The following DNAH11 variants were observed in gnomAD, a reference collection of about 807,000 sequenced individuals.
DNAH11 encodes axonemal beta dynein heavy chain 11.
DNAH11 carries 442 observed loss-of-function variants against 526.0 expected under a neutral mutation model. The observed-to-expected ratio is 0.84, with a 90% CI of 0.78 to 0.91. DNAH11 has a LOEUF of 0.91. DNAH11 is among the 40% of genes least tolerant of loss of function. DNAH11 has a pLI of 0.00. For synonymous variants in DNAH11, 2,461 were observed against 1,935.9 expected (o/e 1.27, Z -7.12); for missense variants, 6,989 against 5,448.7 (o/e 1.28, Z -8.90).
intron 61 of DNAH11, among the ~76,000 whole-genome samples, chr7:21,794,015 C>G (rs1234594180): frequency 2.6e-5 from 4 of 152,166 alleles, no homozygotes; most frequent in East Asian, 1.9e-4. Context: ...ATTACTGATT[C>G]TTTCTTCTGC....
At chr7:21,705,625 A>C in intron 39 of DNAH11, 88 bp downstream of exon 39, 1 of 1,296,956 alleles carries the variant, frequency 7.7e-7, no homozygotes, top group Non-Finnish European at 1.1e-6. Flanking sequence ...TACTCAAAAG[A>C]ATTCCCCTCC....
chr7:21,753,560 A>T (rs1378340609), intron 54 of DNAH11, among the ~76,000 whole-genome samples: 1 of 152,182 alleles, frequency 6.6e-6, no homozygotes, highest in African/African-American at 2.4e-5. Flanking sequence ...TCCCAAAAAG[A>T]TGTCTTCTTG....
At chr7:21,789,797 C>CT (rs202096990) in intron 61 of DNAH11, among the ~76,000 whole-genome samples, 2 of 68,288 alleles carry the variant, frequency 2.9e-5, no homozygotes, top group South Asian at 5.2e-4. Flanking sequence ...TTCTTTCTTT[C>CT]TTTCTTTCTT....
Position 21,588,535 on chromosome 7 carries a change from T to G in DNAH11, c.1872T>G (p.Leu624=). ...AGATTGAATGTGGTCATGTAGTTCT[T>G]AACAAGAACATGCCATTTACCTCAG... ...MKQIECGHVV[L]NKNMPFTSGN... is the part of the protein sequence containing the mutation. Residue 624 remains leucine (L), a synonymous_variant, in exon 11 of 82, where the codon CTT becomes CTG. Transcript: ENST00000409508. 1.9e-6 allele frequency: 3 copies of G among 1,613,762 alleles called. No individual in the cohort carries two copies. The highest frequency in any genetic ancestry group is 2.5e-6 in the Non-Finnish European group (3 of 1,179,682).
At chr7:21,849,314 T>A (rs1052592904) in intron 66 of DNAH11, among the ~76,000 whole-genome samples, 1 of 152,242 alleles carries the variant, frequency 6.6e-6, no homozygotes, top group Non-Finnish European at 1.5e-5. Context: ...CCATAAGTTA[T>A]AATCACTGAC....
chr7:21,738,857 A>G lies in DNAH11; in HGVS notation c.7802A>G (p.Tyr2601Cys). 2 of 1,597,424 alleles carry G rather than the reference A, an allele frequency of 1.3e-6. No homozygotes were observed. The highest frequency in any genetic ancestry group is 1.2e-5 in the South Asian group (1 of 85,792). The change falls in exon 47 of 82, where the codon TAT (tyrosine) becomes TGT (cysteine). Residue 2601 changes from tyrosine (Y) to cysteine (C), a missense_variant. Tyr to Cys is a radical substitution (Grantham distance 194). Transcript: ENST00000409508. ...ACCCTGATCCGGCAGCATATTGATTATGGACATTGGTAAGCAAGTCTCTGT... is the reference window on the plus strand; with the variant it reads ...ACCCTGATCCGGCAGCATATTGATTGTGGACATTGGTAAGCAAGTCTCTGT... ...PHTLIRQHID[Y>C]GHWYDRQKVM...
chr7:21,649,331 T>C (rs4722042), intron 28 of DNAH11, among the ~76,000 whole-genome samples: 58,204 of 152,110 alleles, frequency 0.38, 12,798 homozygotes, highest in Non-Finnish European at 0.5. Flanking sequence ...AAAAGAAGTA[T>C]ACAAGAATTT....
At chr7:21,881,753 T>C (rs1783933623) in intron 75 of DNAH11, among the ~76,000 whole-genome samples, 1 of 152,232 alleles carries the variant, frequency 6.6e-6, no homozygotes, top group Non-Finnish European at 1.5e-5. Flanking sequence ...ATGATTGTTA[T>C]AACTTTTTTG....
intron 28 of DNAH11, among the ~76,000 whole-genome samples, chr7:21,655,062 G>A (rs202037089): frequency 1.2e-4 from 18 of 151,024 alleles, no homozygotes; most frequent in Non-Finnish European, 1.0e-4. Context: ...TGTTGTTGTT[G>A]GTTTTCCCCC....
chr7:21,574,792 C>T (rs964513672), intron 8 of DNAH11, among the ~76,000 whole-genome samples: 2 of 150,776 alleles, frequency 1.3e-5, no homozygotes, highest in Non-Finnish European at 2.9e-5. Flanking sequence ...TCTCAAACTC[C>T]CGACCTCAGA....
chr7:21,854,370 G>C lies in DNAH11; in HGVS notation c.11117G>C (p.Arg3706Thr), dbSNP rs1562585559. 6.2e-7 allele frequency: 1 copy of C among 1,613,816 alleles called. No individual in the cohort carries two copies. The change falls in exon 68 of 82, where the codon AGA becomes ACA. Residue 3706 changes from arginine to threonine, a missense_variant. Physicochemically the swap from Arg to Thr is moderately conservative, Grantham distance 71. Transcript: ENST00000409508. ...ATCAACGAGGCCCGAGAATGTTACAGACCAGTGGCAGCAAGAGCATCTCTT... is the reference window on the plus strand; with the variant it reads ...ATCAACGAGGCCCGAGAATGTTACACACCAGTGGCAGCAAGAGCATCTCTT... ...RKINEARECY[R>T]PVAARASLLY...
chr7:21,776,059 A>G (rs1212364032), intron 56 of DNAH11, among the ~76,000 whole-genome samples: 1 of 152,110 alleles, frequency 6.6e-6, no homozygotes, highest in Admixed American at 6.6e-5. Flanking sequence ...GAGGAGAGAG[A>G]CTGTGATTTC....
intron 32 of DNAH11, among the ~76,000 whole-genome samples, chr7:21,686,495 T>TG (rs1465520200): frequency 2.6e-5 from 4 of 152,206 alleles, no homozygotes; most frequent in Non-Finnish European, 5.9e-5. Context: ...TCTGAGTCTT[T>TG]GCTGCAAAAA....
chr7:21,725,934 T>C lies in DNAH11; in HGVS notation c.7390T>C (p.Trp2464Arg), dbSNP rs1785083153. The C allele has an allele frequency of 6.4e-7, 1 of 1,565,562 alleles. No homozygotes were observed. The highest frequency in any genetic ancestry group is 8.7e-7 in the Non-Finnish European group (1 of 1,153,942). The change falls in exon 45 of 82, where the codon TGG becomes CGG. Residue 2464 changes from tryptophan to arginine, a missense_variant. Trp to Arg is a moderately radical substitution (Grantham distance 101). Coordinates refer to ENST00000409508, the MANE Select transcript of DNAH11 (RefSeq NM_001277115.2). ...CCACAAAACTAAGAAATTATTGCCCTGGGCTGACAAAATTGCCCAGTTTAC... is the reference window on the plus strand; with the variant it reads ...CCACAAAACTAAGAAATTATTGCCCCGGGCTGACAAAATTGCCCAGTTTAC... ...VDHKTKKLLP[W>R]ADKIAQFTMD...
intron 12 of DNAH11, among the ~76,000 whole-genome samples, chr7:21,590,583 A>G (rs1424654043): frequency 2.0e-5 from 3 of 152,232 alleles, no homozygotes; most frequent in African/African-American, 7.2e-5. Context: ...AAATATGTAC[A>G]GAGAATAGTT....
chr7:21,547,092 A>G (rs886813096), intron 2 of DNAH11, among the ~76,000 whole-genome samples: 3 of 152,202 alleles, frequency 2.0e-5, no homozygotes. Context: ...ATAAGACAAA[A>G]CCTCAAATTA....
chr7:21,707,775 T>C lies in DNAH11; in HGVS notation c.6623T>C (p.Val2208Ala). ...TGGAATGACTTAAACCCTAAAGCTG[T>C]GACAACAGATGAACTCTTTGGTTTC... ...PVWNDLNPKA[V>A]TTDELFGFIH... is the part of the protein sequence containing the mutation. The change falls in exon 40 of 82, where the codon GTG (valine) becomes GCG (alanine). Residue 2208 changes from valine (V) to alanine (A), a missense_variant. Physicochemically the swap from Val to Ala is moderately conservative, Grantham distance 64 (BLOSUM62 0). Coordinates refer to ENST00000409508, the MANE Select transcript of DNAH11 (RefSeq NM_001277115.2). The C allele has an allele frequency of 1.9e-6, 3 of 1,612,706 alleles. No individual in the cohort carries two copies. Among genetic ancestry groups the C allele is most frequent in the Non-Finnish European group, 2.5e-6 (3 of 1,179,316 alleles).
chr7:21,720,154 A>C (rs1784819820), intron 43 of DNAH11, among the ~76,000 whole-genome samples: 1 of 152,232 alleles, frequency 6.6e-6, no homozygotes. Flanking sequence ...CCACAGGCTT[A>C]AGCTGCCAGT....
At chr7:21,808,143 C>A in intron 63 of DNAH11, 94 bp downstream of exon 63, 2 of 1,051,282 alleles carry the variant, frequency 1.9e-6, no homozygotes, top group African/African-American at 1.6e-5. Flanking sequence ...TTTTGGACGT[C>A]TGTAATGAGA....
Sources: allele counts gnomAD v4.1 joint callset (sites outside exome capture counted in the v4.1 genomes callset), GRCh38; gene constraint gnomAD v4.1.1; transcripts MANE v1.5; gene names NCBI Gene and HGNC (gene_info 2026-07-23, HGNC 2026-07-21).